Variants in MET observed in about 807,000 individuals in gnomAD.
MET encodes the protein MET proto-oncogene, receptor tyrosine kinase.
MET carries 48 observed loss-of-function variants against 133.1 expected under a neutral mutation model. The ratio of observed to expected loss-of-function variants is 0.36; its 90% CI spans 0.29 to 0.46. MET has a LOEUF of 0.46. Among genes scored for constraint, MET ranks in the 20% least tolerant of loss-of-function variants. The probability of loss-of-function intolerance (pLI) is 1.00; values close to 1 mark genes in which losing one functional copy is unlikely to be tolerated. For missense variants in MET, 1,442 were observed against 1,695.9 expected (o/e 0.85, Z 2.63); for synonymous variants, 628 against 616.5 (o/e 1.02, Z -0.28).
At chr7:116,709,283 G>A (rs1791907754) in intron 2 of MET, among the ~76,000 whole-genome samples, 1 of 152,182 alleles carries the variant, frequency 6.6e-6, no homozygotes, top group Non-Finnish European at 1.5e-5. Flanking sequence ...GTCTTGTAGG[G>A]AAGGCACTTT....
At chr7:116,722,519 T>C (rs1308563209) in intron 2 of MET, among the ~76,000 whole-genome samples, 2 of 151,854 alleles carry the variant, frequency 1.3e-5, no homozygotes, top group Admixed American at 1.3e-4. Flanking sequence ...TTTGATCCTG[T>C]CATTATGATG....
At chr7:116,754,040 C>T (rs1043456596) in intron 5 of MET, among the ~76,000 whole-genome samples, 5 of 152,044 alleles carry the variant, frequency 3.3e-5, no homozygotes, top group African/African-American at 7.2e-5. Flanking sequence ...GAGGCTGAGG[C>T]GGGAGGATTG....
chr7:116,778,792 A>G lies in MET; in HGVS notation c.3357A>G (p.Gly1119=), dbSNP rs2117044977. 6.2e-7 allele frequency: 1 copy of G among 1,614,040 alleles called. No individual in the cohort carries two copies. The highest frequency in any genetic ancestry group is 8.5e-7 in the Non-Finnish European group (1 of 1,179,948). ...VKSLNRITDI[G]EVSQFLTEGI... ...ATTTCTCAGGAATCACTGACATAGG[A>G]GAAGTTTCCCAATTTCTGACCGAGG... is the stretch of plus-strand genomic sequence containing the variant. Residue 1119 remains glycine (G), a synonymous_variant, in exon 17 of 21, where the codon GGA becomes GGG. Coordinates refer to ENST00000397752, the MANE Select transcript of MET (RefSeq NM_000245.4).
intron 12 of MET, among the ~76,000 whole-genome samples, chr7:116,770,164 T>C (rs187315452): frequency 2.6e-5 from 4 of 152,258 alleles, no homozygotes; most frequent in Non-Finnish European, 4.4e-5. Flanking sequence ...CACTAATGCA[T>C]AGAGTCCCAT....
chr7:116,717,946 G>T (rs1236548414), intron 2 of MET, among the ~76,000 whole-genome samples: 3 of 152,086 alleles, frequency 2.0e-5, no homozygotes, highest in Non-Finnish European at 4.4e-5. Flanking sequence ...AATCTGGCAA[G>T]TACTCATAGA....
chr7:116,778,023 T>A (rs1407641271), intron 16 of MET, among the ~76,000 whole-genome samples: 1 of 152,220 alleles, frequency 6.6e-6, no homozygotes, highest in African/African-American at 2.4e-5. Flanking sequence ...TACCCCTTTT[T>A]AATGCTGGAA....
intron 2 of MET, among the ~76,000 whole-genome samples, chr7:116,702,031 C>T (rs1343134723): frequency 6.6e-6 from 1 of 152,082 alleles, no homozygotes; most frequent in Non-Finnish European, 1.5e-5. Flanking sequence ...TGTAAAAATA[C>T]TTATCAATTC....
Position 116,771,599 on chromosome 7 carries a change from A to C in MET, c.2832A>C (p.Ala944=), listed in dbSNP as rs1584955001. ...LIAGVVSIST[A]LLLLLGFFLW... ...CTGGTGTTGTCTCAATATCAACAGC[A>C]CTGTTATTACTACTTGGGTTTTTCC... The change falls in exon 13 of 21, where the codon GCA becomes GCC. Residue 944 remains alanine, a synonymous_variant. Transcript: ENST00000397752. 1 of 1,613,940 alleles carries C rather than the reference A, an allele frequency of 6.2e-7. No individual in the cohort carries two copies. The highest frequency in any genetic ancestry group is 8.5e-7 in the Non-Finnish European group (1 of 1,179,836).
chr7:116,777,813 C>T (rs982904721), intron 16 of MET, among the ~76,000 whole-genome samples: 1 of 152,186 alleles, frequency 6.6e-6, no homozygotes, highest in African/African-American at 2.4e-5. Context: ...GTAGTAATGA[C>T]TCATTTTACC....
At chr7:116,795,548 G>A (rs1795641725) in intron 19 of MET, 107 bp from the exon 20 acceptor site, 23 of 1,457,952 alleles carry the variant, frequency 1.6e-5, no homozygotes, top group Non-Finnish European at 2.0e-5. Context: ...AACAGAAACC[G>A]TATTGAGTAT....
At chr7:116,691,075 T>C (rs1369556062) in intron 1 of MET, among the ~76,000 whole-genome samples, 2 of 152,246 alleles carry the variant, frequency 1.3e-5, no homozygotes, top group African/African-American at 2.4e-5. Context: ...TAGCCATGGC[T>C]ATTTTTATGA....
chr7:116,673,201 G>A (rs899029898), intron 1 of MET, among the ~76,000 whole-genome samples: 1 of 152,234 alleles, frequency 6.6e-6, no homozygotes, highest in African/African-American at 2.4e-5. Context: ...AAGCACCAGT[G>A]AAAGTACTTT....
At chr7:116,713,917 T>C (rs1173320622) in intron 2 of MET, among the ~76,000 whole-genome samples, 1 of 152,222 alleles carries the variant, frequency 6.6e-6, no homozygotes, top group Non-Finnish European at 1.5e-5. Context: ...CAAGAAGAAC[T>C]ACTTCTGTTT....
intron 2 of MET, among the ~76,000 whole-genome samples, chr7:116,731,455 C>A (rs889991572): frequency 3.9e-5 from 6 of 152,136 alleles, no homozygotes; most frequent in Admixed American, 3.9e-4. Flanking sequence ...GTGTGAATTG[C>A]GATAGTAAGG....
At chr7:116,683,530 T>C (rs1232160041) in intron 1 of MET, among the ~76,000 whole-genome samples, 8 of 152,238 alleles carry the variant, frequency 5.3e-5, no homozygotes, top group Admixed American at 2.0e-4. Context: ...ACAATTTCCT[T>C]AAGTAGTCAC....
intron 19 of MET, among the ~76,000 whole-genome samples, chr7:116,795,424 C>T (rs1431918006): frequency 6.6e-6 from 1 of 152,182 alleles, no homozygotes; most frequent in East Asian, 1.9e-4. Flanking sequence ...ATCATGTAGA[C>T]TTCAGATATT....
chr7:116,767,027 C>T (rs1794649406), intron 11 of MET, among the ~76,000 whole-genome samples: 1 of 152,070 alleles, frequency 6.6e-6, no homozygotes, highest in African/African-American at 2.4e-5. Flanking sequence ...AATCTCACCC[C>T]CTCACCACCA....
chr7:116,786,142 A>G (rs1370923210), intron 19 of MET, among the ~76,000 whole-genome samples: 21 of 152,368 alleles, frequency 1.4e-4, no homozygotes, highest in East Asian at 3.9e-4. Flanking sequence ...TTCCTGGCCT[A>G]TAGATGGCCA....
chr7:116,733,590 G>A (rs915951822), intron 3 of MET, among the ~76,000 whole-genome samples: 8 of 152,034 alleles, frequency 5.3e-5, no homozygotes, highest in African/African-American at 1.4e-4. Context: ...TTATAGAAAC[G>A]CTGTAGCAAA....
Sources: gnomAD v4.1 joint callset for allele counts (sites outside exome capture counted in the v4.1 genomes callset) on GRCh38, gnomAD v4.1.1 for gene constraint, MANE v1.5 for transcripts, NCBI Gene and HGNC (gene_info 2026-07-23, HGNC 2026-07-21) for gene names.